The following PRPF18 variants were observed in gnomAD, a reference collection of about 807,000 sequenced individuals.
PRPF18 encodes the protein pre-mRNA-splicing factor 18.
Under a neutral mutation model 46.5 loss-of-function variants are expected in PRPF18, and 38 were observed. That is an observed-to-expected ratio of 0.82 (90% CI 0.63 to 1.07). The LOEUF is 1.07. Ranked by LOEUF, PRPF18 falls within the 50% of genes least tolerant of loss-of-function variation. PRPF18 has a pLI of 0.00. For missense variants in PRPF18, 263 were observed against 410.0 expected (o/e 0.64, Z 3.10); for synonymous variants, 152 against 146.7 (o/e 1.04, Z -0.26).
chr10:13,627,119 A>G (rs2080519895), intron 9 of PRPF18, among the ~76,000 whole-genome samples: 1 of 152,076 alleles, frequency 6.6e-6, no homozygotes, highest in Admixed American at 6.6e-5. Context: ...GTTGTTCAGA[A>G]CCCTGCAGGG....
intron 4 of PRPF18, among the ~76,000 whole-genome samples, chr10:13,608,411 G>A (rs538276646): frequency 1.3e-5 from 2 of 152,204 alleles, no homozygotes; most frequent in African/African-American, 2.4e-5. Flanking sequence ...TGGGCTGTCT[G>A]ACTGCTTTCT....
intron 4 of PRPF18, 152 bp downstream of exon 4, chr10:13,605,896 C>G: frequency 8.8e-7 from 1 of 1,136,304 alleles, no homozygotes; most frequent in East Asian, 2.8e-5. Context: ...TTTTGAAAAG[C>G]TCATATCTTA....
Position 13,613,797 on chromosome 10 carries a change from C to T in PRPF18, c.636C>T (p.Arg212=). The T allele has an allele frequency of 2.5e-6, 4 of 1,614,032 alleles. No individual in the cohort carries two copies. Among genetic ancestry groups the T allele is most frequent in the Non-Finnish European group, 3.4e-6 (4 of 1,179,956 alleles). ...ATGCCAGAGAAGATTATGTGAAACG[C>T]AGTGTGCAGGGTAAACTGAACAGTG... The part of the protein sequence containing the change: ...ELNAREDYVK[R]SVQGKLNSAT... Residue 212 remains arginine (R), a synonymous_variant, in exon 7 of 10, where the codon CGC becomes CGT. Coordinates refer to ENST00000378572, the MANE Select transcript of PRPF18 (RefSeq NM_003675.4).
intron 1 of PRPF18, among the ~76,000 whole-genome samples, chr10:13,590,455 ATATATAT>A (rs2079943361): frequency 8.8e-6 from 1 of 113,052 alleles, no homozygotes; most frequent in Non-Finnish European, 2.0e-5. Context: ...AAAAAAAAAT[ATATATAT>A]ATATATATAT....
At chr10:13,629,097 T>A (rs991091258) in intron 9 of PRPF18, among the ~76,000 whole-genome samples, 3 of 152,192 alleles carry the variant, frequency 2.0e-5, no homozygotes, top group Admixed American at 6.5e-5. Flanking sequence ...GATAGTTGTT[T>A]TCATCAGCTT....
chr10:13,651,960 T>A, the PRPF18 span: 1,459 of 1,586,948 alleles, frequency 9.2e-4, 11 homozygotes, highest in African/African-American at 0.017. Flanking sequence ...AATGGGTGAG[T>A]TTTCTGTTGC....
At chr10:13,609,648 C>G (rs551194128) in intron 4 of PRPF18, among the ~76,000 whole-genome samples, 1 of 152,148 alleles carries the variant, frequency 6.6e-6, no homozygotes, top group Non-Finnish European at 1.5e-5. Flanking sequence ...TGGGAGTTCA[C>G]AGTAGTTGAG....
chr10:13,629,507 C>G (rs924391917), intron 9 of PRPF18, among the ~76,000 whole-genome samples: 48 of 152,220 alleles, frequency 3.2e-4, no homozygotes, highest in African/African-American at 1.1e-3. Flanking sequence ...TATTGTCCTT[C>G]CATACTCCAG....
chr10:13,623,062 G>A (rs972056343), intron 9 of PRPF18, among the ~76,000 whole-genome samples: 30 of 152,018 alleles, frequency 2.0e-4, no homozygotes, highest in Admixed American at 1.0e-3. Context: ...TTAGCCGGGC[G>A]TGGTGGCAGG....
chr10:13,616,261 A>C, intron 8 of PRPF18, 137 bp from the exon 9 acceptor site: 1 of 827,752 alleles, frequency 1.2e-6, no homozygotes. Flanking sequence ...TTTGAATAAC[A>C]GTCATGGTAA....
intron 1 of PRPF18, among the ~76,000 whole-genome samples, chr10:13,592,539 C>T (rs77288103): frequency 1.0e-3 from 156 of 152,312 alleles, no homozygotes; most frequent in Middle Eastern, 6.8e-3. Context: ...ATAATCAGTA[C>T]TTAGCTTGTG....
rs2080271221 is a variant in PRPF18 at position 13,611,703 on chromosome 10, G to T, written c.579+20G>T. ...CTGAAGGTGCGTGTCTTAGGCGAGGGGATGAGGATGCCTTGGATCCTTATG... is the reference window on the plus strand; with the variant it reads ...CTGAAGGTGCGTGTCTTAGGCGAGGTGATGAGGATGCCTTGGATCCTTATG... On this transcript the variant is annotated intron_variant, in intron 6 of 9. Coordinates refer to ENST00000378572, the MANE Select transcript of PRPF18 (RefSeq NM_003675.4). The T allele has an allele frequency of 1.9e-6, 3 of 1,602,132 alleles. No homozygotes were observed. In the East Asian group the frequency reaches 6.7e-5, roughly 36 times the overall value.
chr10:13,622,044 A>G (rs1411948611), intron 9 of PRPF18, among the ~76,000 whole-genome samples: 1 of 152,230 alleles, frequency 6.6e-6, no homozygotes, highest in Non-Finnish European at 1.5e-5. Context: ...TGTATGTTGC[A>G]CACACAGTAT....
chr10:13,601,048 TG>T (rs1287516283), intron 3 of PRPF18, among the ~76,000 whole-genome samples: 1 of 152,202 alleles, frequency 6.6e-6, no homozygotes, highest in Non-Finnish European at 1.5e-5. Context: ...TCCAAAGTGC[TG>T]GGATTACAGG....
chr10:13,605,474 C>T lies in PRPF18; in HGVS notation c.250-157C>T, dbSNP rs545283995. ...GCGGGCGCCTGTAGTCCCAGCTACT[C>T]GGGAGGCTGAGGCAGGAGAATCGCT... is the stretch of plus-strand genomic sequence containing the variant. On this transcript the variant is annotated intron_variant, in intron 3 of 9. Coordinates refer to ENST00000378572, the MANE Select transcript of PRPF18 (RefSeq NM_003675.4). Among the ~76,000 whole-genome samples the T allele has an allele frequency of 4.4e-4, 65 of 146,348 alleles. 2 individuals are homozygous for T. The South Asian group carries it at 5.3e-3, about 12-fold the overall frequency.
At chr10:13,602,410 G>A (rs914111010) in intron 3 of PRPF18, among the ~76,000 whole-genome samples, 3 of 151,904 alleles carry the variant, frequency 2.0e-5, no homozygotes, top group Non-Finnish European at 4.4e-5. Flanking sequence ...GTATGTATCA[G>A]ATGTACATAG....
the PRPF18 span, chr10:13,645,893 C>CA: frequency 5.2e-4 from 80 of 152,444 alleles, no homozygotes; most frequent in Non-Finnish European, 2.9e-5. Flanking sequence ...ACACCTTGTG[C>CA]AAAAAAATAG....
chr10:13,604,565 A>G (rs1465560717), intron 3 of PRPF18, among the ~76,000 whole-genome samples: 1 of 152,220 alleles, frequency 6.6e-6, no homozygotes, highest in Non-Finnish European at 1.5e-5. Flanking sequence ...TGGTATTACA[A>G]TGCAGACTGT....
At chr10:13,600,404 A>G in intron 3 of PRPF18, 56 bp downstream of exon 3, 1 of 1,312,210 alleles carries the variant, frequency 7.6e-7, no homozygotes, top group Non-Finnish European at 1.1e-6. Context: ...GTTTACATTT[A>G]TCTCCAGCTT....
Sources: gnomAD v4.1 joint callset for allele counts (sites outside exome capture counted in the v4.1 genomes callset) on GRCh38, gnomAD v4.1.1 for gene constraint, MANE v1.5 for transcripts, NCBI Gene and HGNC (gene_info 2026-07-23, HGNC 2026-07-21) for gene names.